The following DNAJC5 variants were observed in gnomAD, a reference collection of about 807,000 sequenced individuals.
DNAJC5 encodes the protein dnaJ homolog subfamily C member 5.
Under a neutral mutation model 23.2 loss-of-function variants are expected in DNAJC5, and 1 was observed. The observed-to-expected ratio is 0.04, with a 90% CI of 0.02 to 0.20. The LOEUF (loss-of-function observed/expected upper bound fraction) is 0.20, where lower values mean the gene tolerates loss of function less well. DNAJC5 is among the 10% of genes least tolerant of loss of function. DNAJC5 has a pLI of 1.00. For missense variants in DNAJC5, 180 were observed against 267.0 expected, an observed-to-expected ratio of 0.67 and a Z score of 2.27; for synonymous variants, 136 against 120.0, an observed-to-expected ratio of 1.13 and a Z score of -0.87.
intron 1 of DNAJC5, among the ~76,000 whole-genome samples, chr20:63,910,337 G>A (rs1435957190): frequency 2.0e-5 from 3 of 152,112 alleles, no homozygotes; most frequent in Non-Finnish European, 4.4e-5. Context: ...AAGGTCAGGA[G>A]ATGGAGACCA....
At chr20:63,925,725 C>G (rs180683490) in intron 1 of DNAJC5, among the ~76,000 whole-genome samples, 107 of 148,848 alleles carry the variant, frequency 7.2e-4, no homozygotes, top group African/African-American at 1.9e-3. Flanking sequence ...TCACCGCACT[C>G]CAGCCTGGGC....
intron 1 of DNAJC5, among the ~76,000 whole-genome samples, chr20:63,899,821 T>TCATC (rs1243047042): frequency 2.1e-4 from 32 of 151,404 alleles, no homozygotes; most frequent in Admixed American, 4.0e-4. Context: ...GACCTTGTGA[T>TCATC]CCGCCCATCT....
At chr20:63,930,549 G>A (rs770040141) in intron 3 of DNAJC5, among the ~76,000 whole-genome samples, 5 of 152,146 alleles carry the variant, frequency 3.3e-5, no homozygotes, top group Non-Finnish European at 5.9e-5. Context: ...GGGTTTCACC[G>A]TGTTAGCCAG....
intron 1 of DNAJC5, among the ~76,000 whole-genome samples, chr20:63,907,638 G>C (rs1372453635): frequency 6.6e-6 from 1 of 152,190 alleles, no homozygotes; most frequent in Non-Finnish European, 1.5e-5. Context: ...CACGTGGTAA[G>C]TGTTTCCTAA....
intron 1 of DNAJC5, among the ~76,000 whole-genome samples, chr20:63,918,689 A>G (rs2053535072): frequency 1.3e-5 from 2 of 152,182 alleles, no homozygotes; most frequent in Non-Finnish European, 2.9e-5. Context: ...TCTACCTCCC[A>G]GGTTTACACC....
At chr20:63,901,625 G>T (rs2053413396) in intron 1 of DNAJC5, among the ~76,000 whole-genome samples, 1 of 152,250 alleles carries the variant, frequency 6.6e-6, no homozygotes, top group East Asian at 1.9e-4. Context: ...CTGACGGGAG[G>T]AGTGACTGCA....
At chr20:63,916,047 C>T (rs2146286024) in intron 1 of DNAJC5, among the ~76,000 whole-genome samples, 1 of 152,292 alleles carries the variant, frequency 6.6e-6, no homozygotes, top group South Asian at 2.1e-4. Context: ...GATTTTCCTG[C>T]CTCAGCCTCC....
At chr20:63,916,187 A>G (rs1286710777) in intron 1 of DNAJC5, among the ~76,000 whole-genome samples, 1 of 152,218 alleles carries the variant, frequency 6.6e-6, no homozygotes. Context: ...GCCTCAAGCA[A>G]TCTGCATTCC....
chr20:63,905,727 G>A (rs2053444647), intron 1 of DNAJC5, among the ~76,000 whole-genome samples: 2 of 142,456 alleles, frequency 1.4e-5, no homozygotes, highest in Admixed American at 7.1e-5. Context: ...GTGCCACCCT[G>A]CCCAGCTAAT....
At position 63,931,256 on chromosome 20, in the gene DNAJC5, C is replaced by A; in HGVS notation, c.494-209C>A. On this transcript the variant is annotated intron_variant, in intron 4 of 4. Transcript: ENST00000360864. The surrounding 1 kb of genome is among the most constrained non-coding windows in gnomAD (Gnocchi z 9.6). ...AGATCCCAGGGACTGCGAGGCGGGGCAGGGCGGCAGGCAGTTGGGGCGGGG... is the reference window on the plus strand; with the variant it reads ...AGATCCCAGGGACTGCGAGGCGGGGAAGGGCGGCAGGCAGTTGGGGCGGGG... 1 of 778,754 alleles carries A rather than the reference C, an allele frequency of 1.3e-6. No homozygotes were observed. The highest frequency in any genetic ancestry group is 2.2e-6 in the Non-Finnish European group (1 of 459,088). 48.2% of individuals were successfully genotyped at this position (778,754 alleles called of 1,614,324 possible). A position where few individuals can be genotyped will look rare whatever the true frequency, so the allele number is the denominator to read the frequency against.
At chr20:63,914,038 A>G (rs1237302276) in intron 1 of DNAJC5, among the ~76,000 whole-genome samples, 1 of 152,126 alleles carries the variant, frequency 6.6e-6, no homozygotes. Context: ...GGGGGACCAC[A>G]GGAGGCTGGG....
At chr20:63,916,755 C>T (rs2053517788) in intron 1 of DNAJC5, among the ~76,000 whole-genome samples, 1 of 152,132 alleles carries the variant, frequency 6.6e-6, no homozygotes, top group Non-Finnish European at 1.5e-5. Context: ...CCCAGAGCAG[C>T]CTTCTGTAGA....
At chr20:63,911,319 AGGT>A (rs935908283) in intron 1 of DNAJC5, among the ~76,000 whole-genome samples, 10 of 152,188 alleles carry the variant, frequency 6.6e-5, no homozygotes, top group African/African-American at 2.4e-4. Context: ...ATCCTTCCTC[AGGT>A]GTGGCCGCTG....
chr20:63,900,049 C>G (rs966106823), intron 1 of DNAJC5, among the ~76,000 whole-genome samples: 3 of 151,822 alleles, frequency 2.0e-5, no homozygotes, highest in Admixed American at 1.3e-4. Context: ...CCATGACACC[C>G]GGCTAATTTT....
chr20:63,926,069 C>G (rs2053613500), intron 1 of DNAJC5, among the ~76,000 whole-genome samples: 1 of 152,162 alleles, frequency 6.6e-6, no homozygotes, highest in Admixed American at 6.5e-5. Context: ...ATCTCGTGAT[C>G]TGCCCGCCTT....
At position 63,920,467 on chromosome 20, in the gene DNAJC5, G is replaced by A. The variant is rs2053560446; in HGVS notation, c.-11-7868G>A. ...GGCCTCAGGCTACAGCCAGGGCTGT[G>A]AAGGAGCCGAGGTCATAGAGTGGCT... On this transcript the variant is annotated intron_variant, in intron 1 of 4. Coordinates refer to ENST00000360864, the MANE Select transcript of DNAJC5 (RefSeq NM_025219.3). The surrounding 1 kb of genome is among the most constrained non-coding windows in gnomAD (Gnocchi z 4.6). Among the ~76,000 whole-genome samples, 1 of 152,204 alleles carries A rather than the reference G, an allele frequency of 6.6e-6. No individual in the cohort carries two copies. The highest frequency in any genetic ancestry group is 1.5e-5 in the Non-Finnish European group (1 of 68,022).
chr20:63,914,237 TC>T (rs1380354563), intron 1 of DNAJC5, among the ~76,000 whole-genome samples: 3 of 152,212 alleles, frequency 2.0e-5, no homozygotes. Context: ...TTAAAACCCT[TC>T]TGGGCTTCAT....
At chr20:63,902,115 C>T (rs1014451883) in intron 1 of DNAJC5, among the ~76,000 whole-genome samples, 4 of 151,648 alleles carry the variant, frequency 2.6e-5, no homozygotes, top group Non-Finnish European at 5.9e-5. Context: ...AGTGCAGTGA[C>T]GCGATCTCGG....
At chr20:63,914,632 G>GTAGAT (rs2053504508) in intron 1 of DNAJC5, among the ~76,000 whole-genome samples, 2 of 112,644 alleles carry the variant, frequency 1.8e-5, no homozygotes, top group South Asian at 3.0e-4. Context: ...TTTTTTTTTT[G>GTAGAT]GTAGATGGAG....
Sources: allele counts gnomAD v4.1 joint callset (sites outside exome capture counted in the v4.1 genomes callset), GRCh38; gene constraint gnomAD v4.1.1; non-coding constraint Gnocchi (gnomAD v3.1); transcripts MANE v1.5; gene names NCBI Gene and HGNC (gene_info 2026-07-23, HGNC 2026-07-21).